The following ADGRG2 variants were observed in gnomAD, a reference collection of about 807,000 sequenced individuals.
The protein encoded by ADGRG2 is adhesion G protein-coupled receptor G2.
ADGRG2 carries 26 observed loss-of-function variants against 74.1 expected under a neutral mutation model. That is an observed-to-expected ratio of 0.35 (90% CI 0.26 to 0.49). The LOEUF (loss-of-function observed/expected upper bound fraction) is 0.49, where lower values mean the gene tolerates loss of function less well. Ranked by LOEUF, ADGRG2 falls within the 20% of genes least tolerant of loss-of-function variation. The pLI is 0.99. For missense variants in ADGRG2, 619 were observed against 763.1 expected (o/e 0.81, Z 2.22); for synonymous variants, 296 against 295.2 (o/e 1.00, Z -0.03).
At chrX:19,084,072 A>G (rs1176405284) in intron 1 of ADGRG2, among the ~76,000 whole-genome samples, 2 of 112,142 alleles carry the variant, frequency 1.8e-5, no homozygotes, top group Non-Finnish European at 3.8e-5. Context: ...TCAATGATAG[A>G]CTGGATAAAG....
intron 1 of ADGRG2, among the ~76,000 whole-genome samples, chrX:19,121,588 G>C (rs754215671): frequency 2.8e-4 from 31 of 110,953 alleles, no homozygotes; most frequent in African/African-American, 9.5e-4. Context: ...AGGGCCTGCC[G>C]GATAAAGTGT....
chrX:19,096,645 C>G (rs1414680862), intron 1 of ADGRG2, among the ~76,000 whole-genome samples: 1 of 111,536 alleles, frequency 9.0e-6, no homozygotes, highest in Admixed American at 9.5e-5. Flanking sequence ...AGCCTTTTCA[C>G]TATTACAGAA....
intron 1 of ADGRG2, among the ~76,000 whole-genome samples, chrX:19,120,284 C>A (rs749282731): frequency 8.9e-6 from 1 of 112,017 alleles, no homozygotes; most frequent in South Asian, 3.7e-4. Context: ...CATCTTAGAT[C>A]TTAACTAAGC....
At chrX:19,088,650 G>C (rs2061969978) in intron 1 of ADGRG2, among the ~76,000 whole-genome samples, 1 of 110,765 alleles carries the variant, frequency 9.0e-6, no homozygotes, top group Non-Finnish European at 1.9e-5. Flanking sequence ...ACCACACCCA[G>C]CTACTTGATG....
intron 1 of ADGRG2, 28 bp from the exon 2 acceptor site, chrX:19,082,774 G>GTC (rs2061873578): frequency 2.7e-5 from 3 of 112,234 alleles, no homozygotes; most frequent in Admixed American, 9.5e-5. Context: ...AAAATAAAAA[G>GTC]CAAAATTAGA....
chrX:18,996,356 G>C (rs2060017948), intron 26 of ADGRG2, among the ~76,000 whole-genome samples: 1 of 111,365 alleles, frequency 9.0e-6, no homozygotes, highest in Non-Finnish European at 1.9e-5. Flanking sequence ...ATCTTTGTAA[G>C]ATTAAGAATA....
At chrX:19,099,904 G>T (rs1435884670) in intron 1 of ADGRG2, among the ~76,000 whole-genome samples, 1 of 111,320 alleles carries the variant, frequency 9.0e-6, no homozygotes, top group East Asian at 2.8e-4. Context: ...GCATGGTTGT[G>T]TATGCCTGTG....
At chrX:19,114,008 G>T (rs186756874) in intron 1 of ADGRG2, among the ~76,000 whole-genome samples, 2 of 104,470 alleles carry the variant, frequency 1.9e-5, no homozygotes, top group Non-Finnish European at 3.9e-5. Flanking sequence ...GGAGGCAGAG[G>T]TTGCAGTGAG....
At chrX:19,004,954 C>T in intron 22 of ADGRG2, 75 bp from the exon 23 acceptor site, 1 of 810,753 alleles carries the variant, frequency 1.2e-6, no homozygotes, top group Non-Finnish European at 1.8e-6. Context: ...ATCAAGTATT[C>T]TAGGGATCCA....
At chrX:19,078,932 T>A (rs750393624) in intron 2 of ADGRG2, among the ~76,000 whole-genome samples, 15 of 110,891 alleles carry the variant, frequency 1.4e-4, no homozygotes, top group Non-Finnish European at 2.1e-4. Context: ...AGGAAGTAGC[T>A]AATAAGAGGT....
intron 1 of ADGRG2, among the ~76,000 whole-genome samples, chrX:19,095,019 C>T (rs930353732): frequency 5.4e-5 from 6 of 111,976 alleles, no homozygotes; most frequent in African/African-American, 1.9e-4. Flanking sequence ...TCAACGGTTC[C>T]CATTGACAGC....
chrX:19,029,289 C>A (rs1601934145), intron 9 of ADGRG2, among the ~76,000 whole-genome samples: 2 of 111,980 alleles, frequency 1.8e-5, no homozygotes, highest in South Asian at 7.4e-4. Context: ...TTTTAAAAAT[C>A]TTAGCTTTTA....
At chrX:19,116,506 C>CAAAAAAA (rs10677696) in intron 1 of ADGRG2, among the ~76,000 whole-genome samples, 2 of 24,022 alleles carry the variant, frequency 8.3e-5, no homozygotes, top group African/African-American at 1.3e-4. Context: ...GATTCCGTCT[C>CAAAAAAA]AAAAAAAAAA....
rs769945612 is a variant in ADGRG2, at chrX:18,994,581, C to G, written c.2869+315G>C. Among the ~76,000 whole-genome samples, 13 of 111,856 alleles carry G rather than the reference C, an allele frequency of 1.2e-4. 1 individual carries two copies. The South Asian group carries it at 4.8e-3, about 42-fold the overall frequency. ...CTTATCAGCTATTTTAGGTACTGCT[C>G]TCACAGAAATAGCACAATACTGAAG... On this transcript the variant is annotated intron_variant, in intron 28 of 28. Coordinates refer to ENST00000379869, the MANE Select transcript of ADGRG2 (RefSeq NM_001079858.3).
At chrX:18,999,450 ATAATC>A (rs1242006385) in intron 25 of ADGRG2, among the ~76,000 whole-genome samples, 171 bp from the exon 26 acceptor site, 1 of 112,151 alleles carries the variant, frequency 8.9e-6, no homozygotes, top group Non-Finnish European at 1.9e-5. Context: ...TCTAGGGAAA[ATAATC>A]TAAGAGTTTA....
At chrX:19,047,763 C>A (rs1356522301) in intron 3 of ADGRG2, among the ~76,000 whole-genome samples, 1 of 111,415 alleles carries the variant, frequency 9.0e-6, no homozygotes. Flanking sequence ...GTTGTTATTA[C>A]ACTGGCTCTT....
intron 24 of ADGRG2, among the ~76,000 whole-genome samples, chrX:19,001,492 T>G (rs1220926124): frequency 9.0e-6 from 1 of 111,671 alleles, no homozygotes; most frequent in Non-Finnish European, 1.9e-5. Context: ...CTGGTGACCC[T>G]GACATATGAT....
At position 19,021,201 on chromosome X, in the gene ADGRG2, G is replaced by A. The variant is rs748934800; in HGVS notation, c.549-3C>T. The stretch of plus-strand genomic sequence containing the variant: ...TTGTGAATGTACAATTTAATGTGCT[G>A]TAAGGAGAAATATACATAACCAGAA... On this transcript the variant is annotated splice_region_variant and splice_polypyrimidine_tract_variant and intron_variant, in intron 13 of 28. Coordinates refer to ENST00000379869, the MANE Select transcript of ADGRG2 (RefSeq NM_001079858.3). The A allele has an allele frequency of 2.2e-6, 2 of 916,848 alleles. No homozygotes were observed. The highest frequency in any genetic ancestry group is 3.2e-6 in the Non-Finnish European group (2 of 630,123). 75.6% of individuals were successfully genotyped at this position (916,848 alleles called of 1,213,427 possible). A position where few individuals can be genotyped will look rare whatever the true frequency, so the allele number is the denominator to read the frequency against.
At chrX:19,048,354 A>G (rs951620034) in intron 3 of ADGRG2, among the ~76,000 whole-genome samples, 2 of 112,574 alleles carry the variant, frequency 1.8e-5, no homozygotes, top group Non-Finnish European at 3.8e-5. Flanking sequence ...GGCACTGCGT[A>G]AATATTAGCT....
Sources: allele counts gnomAD v4.1 joint callset (sites outside exome capture counted in the v4.1 genomes callset), GRCh38; gene constraint gnomAD v4.1.1; transcripts MANE v1.5; gene names NCBI Gene and HGNC (gene_info 2026-07-23, HGNC 2026-07-21).